MSRA: variants seen among roughly 807,000 people sequenced by gnomAD.
MSRA encodes mitochondrial peptide methionine sulfoxide reductase.
In MSRA, 54 loss-of-function variants were observed where a neutral mutation model predicts 31.3. The observed-to-expected ratio is 1.73, with a 90% CI of 1.39 to 2.17. The LOEUF (loss-of-function observed/expected upper bound fraction) is 2.17, where lower values mean the gene tolerates loss of function less well. Among genes scored for constraint, MSRA ranks in the 30% most tolerant of loss-of-function variants. The probability of loss-of-function intolerance (pLI) is 0.00; values close to 1 mark genes in which losing one functional copy is unlikely to be tolerated. For missense variants in MSRA, 507 were observed against 300.9 expected, an observed-to-expected ratio of 1.69 and a Z score of -5.07; for synonymous variants, 169 against 116.5, an observed-to-expected ratio of 1.45 and a Z score of -2.90.
At chr8:10,273,955 G>A (rs988731510) in intron 3 of MSRA, among the ~76,000 whole-genome samples, 1 of 152,098 alleles carries the variant, frequency 6.6e-6, no homozygotes, top group Non-Finnish European at 1.5e-5. Flanking sequence ...CTGCTTTATA[G>A]GAGGTGAGGA....
At chr8:10,332,835 C>T (rs1802783211) in intron 5 of MSRA, among the ~76,000 whole-genome samples, 1 of 152,200 alleles carries the variant, frequency 6.6e-6, no homozygotes, top group Admixed American at 6.5e-5. Context: ...ATGGGCTTTA[C>T]ATATTAAACT....
At chr8:10,242,662 C>T (rs953267349) in intron 2 of MSRA, among the ~76,000 whole-genome samples, 4 of 151,976 alleles carry the variant, frequency 2.6e-5, no homozygotes, top group Non-Finnish European at 5.9e-5. Flanking sequence ...TAATGATCAC[C>T]AGATTATTGA....
intron 5 of MSRA, among the ~76,000 whole-genome samples, chr8:10,350,329 C>G (rs1378805443): frequency 6.6e-6 from 1 of 152,236 alleles, no homozygotes; most frequent in Non-Finnish European, 1.5e-5. Flanking sequence ...TAGCCATGTT[C>G]CAAGTCTTCG....
chr8:10,330,504 A>G (rs555539025), intron 5 of MSRA, among the ~76,000 whole-genome samples: 1 of 152,296 alleles, frequency 6.6e-6, no homozygotes, highest in South Asian at 2.1e-4. Flanking sequence ...TCAGTAAATT[A>G]ATTACCTTAT....
intron 1 of MSRA, among the ~76,000 whole-genome samples, chr8:10,112,752 C>G (rs1800380732): frequency 6.6e-6 from 1 of 152,112 alleles, no homozygotes; most frequent in Non-Finnish European, 1.5e-5. Context: ...ATAGCCATGG[C>G]TTTCTGAGCC....
chr8:10,339,423 T>G (rs1803265916), intron 5 of MSRA, among the ~76,000 whole-genome samples: 1 of 152,172 alleles, frequency 6.6e-6, no homozygotes, highest in Admixed American at 6.5e-5. Flanking sequence ...TATTTAGATG[T>G]CAACATGTAC....
chr8:10,197,190 AGTG>A (rs1312158221), intron 1 of MSRA, among the ~76,000 whole-genome samples: 1 of 150,720 alleles, frequency 6.6e-6, no homozygotes, highest in Non-Finnish European at 1.5e-5. Flanking sequence ...TTGTGTTAAT[AGTG>A]GTGGTGAGAT....
intron 3 of MSRA, among the ~76,000 whole-genome samples, chr8:10,282,798 C>A (rs1482438087): frequency 6.6e-6 from 1 of 152,138 alleles, no homozygotes; most frequent in Non-Finnish European, 1.5e-5. Flanking sequence ...GACACCAAAT[C>A]TGTATTCTTG....
chr8:10,269,448 A>G (rs892087025), intron 3 of MSRA, among the ~76,000 whole-genome samples: 1 of 152,240 alleles, frequency 6.6e-6, no homozygotes, highest in South Asian at 2.1e-4. Context: ...TCACTTCTGT[A>G]GGGCTGAGGC....
At chr8:10,283,836 T>TATAC (rs1261287031) in intron 3 of MSRA, among the ~76,000 whole-genome samples, 1,083 of 52,922 alleles carry the variant, frequency 0.02, 14 homozygotes, top group African/African-American at 0.022. Flanking sequence ...TATATATATA[T>TATAC]ACACACACAC....
intron 2 of MSRA, among the ~76,000 whole-genome samples, chr8:10,231,414 T>C (rs957043469): frequency 2.0e-5 from 3 of 152,176 alleles, no homozygotes; most frequent in African/African-American, 7.2e-5. Context: ...ATTGGCTTGG[T>C]AGTCAGCTTG....
chr8:10,242,281 A>T (rs1797371902), intron 2 of MSRA, among the ~76,000 whole-genome samples: 1 of 152,108 alleles, frequency 6.6e-6, no homozygotes, highest in Admixed American at 6.5e-5. Context: ...AAAAAAAAAA[A>T]AAGAACTTAA....
At chr8:10,407,509 T>C (rs887377229) in intron 5 of MSRA, among the ~76,000 whole-genome samples, 3 of 151,860 alleles carry the variant, frequency 2.0e-5, no homozygotes, top group East Asian at 1.9e-4. Context: ...ATGGGGAGAG[T>C]TGATGATGGC....
chr8:10,175,362 A>G (rs1228941452), intron 1 of MSRA, among the ~76,000 whole-genome samples: 2 of 152,248 alleles, frequency 1.3e-5, no homozygotes, highest in East Asian at 3.8e-4. Flanking sequence ...CAATTGGAAC[A>G]TGTTTACCCT....
At chr8:10,059,006 C>G (rs974805663) in intron 1 of MSRA, 30 of 152,038 alleles carry the variant, frequency 2.0e-4, no homozygotes, top group African/African-American at 7.0e-4. Context: ...GTAGGTACAG[C>G]CAGTGTGATC....
At chr8:10,258,760 T>G (rs1374141071) in intron 3 of MSRA, among the ~76,000 whole-genome samples, 1 of 152,242 alleles carries the variant, frequency 6.6e-6, no homozygotes, top group African/African-American at 2.4e-5. Context: ...AAAACCAGGC[T>G]TTCCCTCAGA....
At chr8:10,255,441 A>G (rs1388659895) in intron 3 of MSRA, among the ~76,000 whole-genome samples, 2 of 152,174 alleles carry the variant, frequency 1.3e-5, no homozygotes, top group Non-Finnish European at 2.9e-5. Context: ...TCCGTTTTCA[A>G]TTTCAGCCTG....
In MSRA at chr8:10,209,019, A is replaced by C. The variant is rs78508266; in HGVS notation, c.211+1118A>C. Among the ~76,000 whole-genome samples, 1,299 of 152,350 alleles carry C rather than the reference A, an allele frequency of 8.5e-3. 14 individuals carry two copies. The highest frequency in any genetic ancestry group is 0.03 in the African/African-American group (1,251 of 41,582). The stretch of plus-strand genomic sequence containing the variant: ...GATTAGCAGCTGCAGAGTCATAAAC[A>C]GGGACCCAGTTCCACCTCAGTGTTG... On this transcript the variant is annotated intron_variant, in intron 2 of 5. Transcript: ENST00000317173.
intron 4 of MSRA, among the ~76,000 whole-genome samples, chr8:10,306,651 A>C (rs1420514007): frequency 6.6e-6 from 1 of 152,194 alleles, no homozygotes; most frequent in Non-Finnish European, 1.5e-5. Flanking sequence ...AATCTAAAGA[A>C]CTGGATCAGG....
Sources: gnomAD v4.1 joint callset for allele counts (sites outside exome capture counted in the v4.1 genomes callset) on GRCh38, gnomAD v4.1.1 for gene constraint, MANE v1.5 for transcripts, NCBI Gene and HGNC (gene_info 2026-07-23, HGNC 2026-07-21) for gene names.